SFPQ: variants seen among roughly 807,000 people sequenced by gnomAD.
SFPQ encodes splicing factor, proline- and glutamine-rich.
Under a neutral mutation model 72.9 loss-of-function variants are expected in SFPQ, and 11 were observed. The ratio of observed to expected loss-of-function variants is 0.15; its 90% confidence interval spans 0.09 to 0.25. SFPQ has a LOEUF of 0.25. SFPQ is among the 10% of genes least tolerant of loss of function. The probability of loss-of-function intolerance (pLI) is 1.00; values close to 1 mark genes in which losing one functional copy is unlikely to be tolerated. For synonymous variants in SFPQ, 506 were observed against 367.3 expected (o/e 1.38, Z -4.32); for missense variants, 847 against 993.3 (o/e 0.85, Z 1.98).
chr1:35,192,165 AGGAGGGG>A, intron 1 of SFPQ, 50 bp downstream of exon 1: 2 of 1,270,796 alleles, frequency 1.6e-6, no homozygotes, highest in South Asian at 2.2e-5. Flanking sequence ...GGCGGGGGCG[AGGAGGGG>A]GCCGCCGCCA....
Position 35,184,247 on chromosome 1 carries a change from A to T in SFPQ, c.*209T>A, listed in dbSNP as rs1261909651. 12 of 1,334,852 alleles carry T rather than the reference A, an allele frequency of 9.0e-6. No homozygotes were observed. Among genetic ancestry groups the T allele is most frequent in the Middle Eastern group, 2.7e-4 (1 of 3,654 alleles). The allele number at this position is 1,334,852 out of a possible 1,614,324, so 82.7% of individuals were successfully genotyped here. A position where few individuals can be genotyped will look rare whatever the true frequency, so the allele number is the denominator to read the frequency against. ...CATTATACAGTAAAAAAGAAAAAATAAAGAAATAAAAAGGAAAAAAAAATT... is the reference window on the plus strand; with the variant it reads ...CATTATACAGTAAAAAAGAAAAAATTAAGAAATAAAAAGGAAAAAAAAATT... On this transcript the variant is annotated 3_prime_UTR_variant, in exon 10 of 10. Transcript: ENST00000357214.
At chr1:35,182,883 T>C (rs1422769350), downstream of SFPQ, 12 of 1,045,874 alleles carry the variant, frequency 1.1e-5, no homozygotes, top group African/African-American at 1.7e-5. Flanking sequence ...AAGTCTCTTG[T>C]TCTAATGGAA....
chr1:35,191,317 G>C (rs557912945), intron 2 of SFPQ, 24 bp downstream of exon 2: 1 of 1,601,838 alleles, frequency 6.2e-7, no homozygotes, highest in Non-Finnish European at 8.5e-7. Flanking sequence ...TTAATTCTAC[G>C]TAAAATCAAA....
At chr1:35,177,975 T>C (rs757145668), downstream of SFPQ, 5 of 1,238,752 alleles carry the variant, frequency 4.0e-6, no homozygotes, top group Non-Finnish European at 5.2e-6. Context: ...TTAAGATTTC[T>C]AAAGGAAACT....
intron 1 of SFPQ, 143 bp downstream of exon 1, chr1:35,192,079 G>C: frequency 1.8e-6 from 1 of 560,666 alleles, no homozygotes. Context: ...CGACGGCCCC[G>C]CAGGCCGCCC....
In SFPQ at chr1:35,183,042, G is replaced by C. The variant is rs1286794634; in HGVS notation, c.*1414C>G. On this transcript the variant is annotated 3_prime_UTR_variant, in exon 10 of 10. Coordinates refer to ENST00000357214, the MANE Select transcript of SFPQ (RefSeq NM_005066.3). Reference sequence around the variant, plus strand: ...TGAAAACGAAACTATGTGAAAACAAGTTAAATTTACAATAAGAATGATTAT... The same window carrying C: ...TGAAAACGAAACTATGTGAAAACAACTTAAATTTACAATAAGAATGATTAT... The C allele has an allele frequency of 9.7e-7, 1 of 1,034,188 alleles. No individual in the cohort carries two copies. Among genetic ancestry groups the C allele is most frequent in the Non-Finnish European group, 1.2e-6 (1 of 859,868 alleles). 64.1% of individuals were successfully genotyped at this position (1,034,188 alleles called of 1,614,324 possible). A position where few individuals can be genotyped will look rare whatever the true frequency, so the allele number is the denominator to read the frequency against.
chr1:35,182,062 T>C (rs1639491188), downstream of SFPQ: 2 of 985,206 alleles, frequency 2.0e-6, no homozygotes, highest in African/African-American at 1.7e-5. Context: ...CAAAAGCTTA[T>C]TTTAGGGGGT....
chr1:35,176,582 T>C (rs959803393), intron 5 of SFPQ: 3 of 152,126 alleles, frequency 2.0e-5, no homozygotes, highest in Admixed American at 1.3e-4. Context: ...AGAAATCTTA[T>C]TAATCGGCCT....
Position 35,187,124 on chromosome 1 carries a change from T to TAGAAA in SFPQ, c.1865-7_1865-3dup. ...TCTGGCCTCCTGAACCATAGGGATC[T>TAGAAA]AGAAAACAAAAATAGTGGTTACAAC... On this transcript the variant is annotated splice_region_variant and splice_polypyrimidine_tract_variant and intron_variant, in intron 8 of 9. Coordinates refer to ENST00000357214, the MANE Select transcript of SFPQ (RefSeq NM_005066.3). 6.2e-7 allele frequency: 1 copy of TAGAAA among 1,614,022 alleles called. No homozygotes were observed. Among genetic ancestry groups the TAGAAA allele is most frequent in the Non-Finnish European group, 8.5e-7 (1 of 1,179,918 alleles).
chr1:35,178,601 G>A (rs888728364), downstream of SFPQ: 1 of 1,057,530 alleles, frequency 9.5e-7, no homozygotes, highest in Non-Finnish European at 1.1e-6. Context: ...AGTTAGGGCT[G>A]GAAAAGCTAT....
chr1:35,184,723 G>T, intron 9 of SFPQ, 130 bp from the exon 10 acceptor site: 2 of 1,286,746 alleles, frequency 1.6e-6, no homozygotes, highest in Non-Finnish European at 2.0e-6. Flanking sequence ...CAGGTACCGG[G>T]AACATAGAAA....
intron 7 of SFPQ, among the ~76,000 whole-genome samples, chr1:35,187,713 A>G (rs1639787851): frequency 6.6e-6 from 1 of 152,030 alleles, no homozygotes; most frequent in South Asian, 2.1e-4. Flanking sequence ...CCTGGGTGAC[A>G]AGAGCAAAAC....
intron 9 of SFPQ, among the ~76,000 whole-genome samples, chr1:35,185,919 A>AT (rs1639693048): frequency 6.6e-6 from 1 of 152,236 alleles, no homozygotes; most frequent in Admixed American, 6.5e-5. Context: ...TTGTGAGAAC[A>AT]TAAGGTCAAA....
rs1639623438 is a variant in SFPQ at position 35,184,537 on chromosome 1, T to TCTAGGACCCTGTCCACCCACAGGCCC, written c.2017_2042dup (p.Met683LeufsTer39). 6.2e-7 allele frequency: 1 copy of TCTAGGACCCTGTCCACCCACAGGCCC among 1,612,924 alleles called. No homozygotes were observed. The highest frequency in any genetic ancestry group is 8.5e-7 in the Non-Finnish European group (1 of 1,179,584). ...CTGCTGGAGTTCCAGGCCCCATTCCTCTAGGACCCTGTCCACCCACAGGCC... is the reference window on the plus strand; with the variant it reads ...CTGCTGGAGTTCCAGGCCCCATTCCTCTAGGACCCTGTCCACCCACAGGCCCCTAGGACCCTGTCCACCCACAGGCC... On this transcript the variant is annotated frameshift_variant, in exon 10 of 10. Coordinates refer to ENST00000357214, the MANE Select transcript of SFPQ (RefSeq NM_005066.3). LOFTEE classifies it high-confidence loss of function.
At chr1:35,186,077 A>T (rs1031046556) in intron 9 of SFPQ, among the ~76,000 whole-genome samples, 8 of 151,774 alleles carry the variant, frequency 5.3e-5, no homozygotes, top group African/African-American at 1.7e-4. Flanking sequence ...ATTCCCAAAA[A>T]GTCTTAGGTA....
Position 35,193,054 on chromosome 1 carries a change from G to A in SFPQ, c.-5C>T. 6.4e-7 allele frequency: 1 copy of A among 1,568,542 alleles called. No individual in the cohort carries two copies. Among genetic ancestry groups the A allele is most frequent in the Non-Finnish European group, 8.6e-7 (1 of 1,166,008 alleles). ...CCGGAACCGATCCCGAGACATGTCT[G>A]TGGTCAAGGGGCGGTCGAGGCAAAA... On this transcript the variant is annotated 5_prime_UTR_variant, in exon 1 of 10. Transcript: ENST00000357214.
chr1:35,189,721 G>T (rs1639902175), intron 4 of SFPQ, among the ~76,000 whole-genome samples: 1 of 152,142 alleles, frequency 6.6e-6, no homozygotes, highest in Non-Finnish European at 1.5e-5. Flanking sequence ...GGCCAAGGCA[G>T]GTGGATCACC....
At chr1:35,178,537 C>A (rs16837212), downstream of SFPQ, 1 of 1,061,270 alleles carries the variant, frequency 9.4e-7, no homozygotes, top group Non-Finnish European at 1.1e-6. Flanking sequence ...TGTTGTCCTG[C>A]AATCCTTTGT....
At chr1:35,187,167 C>A (rs767708763) in intron 8 of SFPQ, 36 bp downstream of exon 8, 1 of 1,614,066 alleles carries the variant, frequency 6.2e-7, no homozygotes, top group Admixed American at 1.7e-5. Flanking sequence ...GGATACTACT[C>A]TCTACTTATA....
Sources: allele counts gnomAD v4.1 joint callset (sites outside exome capture counted in the v4.1 genomes callset), GRCh38; gene constraint gnomAD v4.1.1; transcripts MANE v1.5; gene names NCBI Gene and HGNC (gene_info 2026-07-23, HGNC 2026-07-21).